Variants in BACE2 observed in about 807,000 individuals in gnomAD.
The protein encoded by BACE2 is 56 kDa aspartic-like protease.
A neutral mutation model predicts 46.2 loss-of-function variants in BACE2; 17 were observed. The ratio of observed to expected loss-of-function variants is 0.37; its 90% CI spans 0.25 to 0.55. The LOEUF (loss-of-function observed/expected upper bound fraction) is 0.55, where lower values mean the gene tolerates loss of function less well. Among genes scored for constraint, BACE2 ranks in the 20% least tolerant of loss-of-function variants. The probability of loss-of-function intolerance (pLI) is 0.82; values close to 1 mark genes in which losing one functional copy is unlikely to be tolerated. For synonymous variants in BACE2, 277 were observed against 295.9 expected, an observed-to-expected ratio of 0.94 and a Z score of 0.66; for missense variants, 595 against 698.1, an observed-to-expected ratio of 0.85 and a Z score of 1.66.
chr21:41,241,792 G>A (rs1445026887), intron 3 of BACE2, 27 bp from the exon 4 acceptor site: 1 of 1,613,518 alleles, frequency 6.2e-7, no homozygotes, highest in South Asian at 1.1e-5. Context: ...TCCTAAGCGG[G>A]TGCCCCTCTC....
At chr21:41,253,213 G>A (rs1987688462) in intron 7 of BACE2, among the ~76,000 whole-genome samples, 1 of 152,090 alleles carries the variant, frequency 6.6e-6, no homozygotes, top group Non-Finnish European at 1.5e-5. Flanking sequence ...AGGCTGAGGA[G>A]GGTGAATCAC....
intron 1 of BACE2, among the ~76,000 whole-genome samples, chr21:41,170,191 T>TA (rs1469326177): frequency 2.9e-5 from 4 of 139,244 alleles, no homozygotes; most frequent in Non-Finnish European, 6.1e-5. Flanking sequence ...GAAGAAGGAC[T>TA]AAAAAATACT....
chr21:41,238,700 A>C (rs377560216), intron 3 of BACE2, among the ~76,000 whole-genome samples: 96 of 151,322 alleles, frequency 6.3e-4, no homozygotes, highest in African/African-American at 2.2e-3. Flanking sequence ...AACTATCACA[A>C]GAACAACAAA....
At chr21:41,248,146 C>T (rs1452597808) in intron 6 of BACE2, among the ~76,000 whole-genome samples, 3 of 152,120 alleles carry the variant, frequency 2.0e-5, no homozygotes, top group Non-Finnish European at 4.4e-5. Flanking sequence ...GGGCTCGTTC[C>T]GACCCTGCCG....
At chr21:41,205,131 A>G (rs960319571) in intron 1 of BACE2, among the ~76,000 whole-genome samples, 1 of 152,236 alleles carries the variant, frequency 6.6e-6, no homozygotes, top group Non-Finnish European at 1.5e-5. Flanking sequence ...TAAAACGAAG[A>G]TGAAATTTTA....
chr21:41,271,280 G>C (rs950796355), intron 8 of BACE2, among the ~76,000 whole-genome samples: 1 of 151,154 alleles, frequency 6.6e-6, no homozygotes, highest in Admixed American at 6.6e-5. Flanking sequence ...TGATGTTTAG[G>C]CCAGAGATCC....
At chr21:41,207,732 T>C (rs889108907) in intron 1 of BACE2, among the ~76,000 whole-genome samples, 14 of 152,236 alleles carry the variant, frequency 9.2e-5, no homozygotes, top group Non-Finnish European at 1.8e-4. Context: ...ACAGGCTCTC[T>C]GGCCTCCAGC....
chr21:41,206,207 G>A (rs967896287), intron 1 of BACE2, among the ~76,000 whole-genome samples: 3 of 152,178 alleles, frequency 2.0e-5, no homozygotes, highest in African/African-American at 4.8e-5. Flanking sequence ...AGGGTCCAAC[G>A]AGGGCCACCT....
Position 41,250,856 on chromosome 21 carries a change from A to T in BACE2, c.1089A>T (p.Arg363Ser). Residue 363 changes from arginine (R) to serine (S), a missense_variant, in exon 7 of 9, where the codon AGA becomes AGT. This residue lies in a region of BACE2 where 343 missense variants were observed against 419.4 expected (regional missense o/e 0.82). Transcript: ENST00000330333. ...SYFPKISIYL[R>S]DENSSRSFRI... ...TCCCTAAAATCTCCATCTACCTGAG[A>T]GACGAGAACTCCAGCAGGTCATTCC... is the stretch of plus-strand genomic sequence containing the variant. The T allele has an allele frequency of 1.2e-6, 2 of 1,614,180 alleles. No homozygotes were observed. The highest frequency in any genetic ancestry group is 1.7e-6 in the Non-Finnish European group (2 of 1,179,998).
chr21:41,240,707 G>T (rs991268792), intron 3 of BACE2, among the ~76,000 whole-genome samples: 2 of 152,150 alleles, frequency 1.3e-5, no homozygotes, highest in African/African-American at 4.8e-5. Flanking sequence ...TGACCCAAAC[G>T]CCCACAAGTG....
chr21:41,176,341 G>A (rs990911601), intron 1 of BACE2: 4 of 152,158 alleles, frequency 2.6e-5, no homozygotes, highest in South Asian at 2.1e-4. Context: ...ACCAGCTGCC[G>A]ATGGTTCCTG....
chr21:41,242,770 A>G (rs1006043796), intron 4 of BACE2, among the ~76,000 whole-genome samples: 5 of 152,160 alleles, frequency 3.3e-5, no homozygotes, highest in African/African-American at 1.2e-4. Context: ...AAAAATCTCA[A>G]TATTGTAAAG....
chr21:41,231,829 G>A (rs1342599245), intron 2 of BACE2, among the ~76,000 whole-genome samples: 1 of 152,126 alleles, frequency 6.6e-6, no homozygotes, highest in Non-Finnish European at 1.5e-5. Flanking sequence ...GCAATTGAGA[G>A]CCAAAGCATT....
At chr21:41,253,760 A>G (rs187034549) in intron 7 of BACE2, among the ~76,000 whole-genome samples, 188 of 152,274 alleles carry the variant, frequency 1.2e-3, no homozygotes, top group African/African-American at 4.3e-3. Context: ...ATTTCATCTC[A>G]TTTGCACATC....
At chr21:41,199,615 C>T (rs1277544532) in intron 1 of BACE2, among the ~76,000 whole-genome samples, 2 of 152,110 alleles carry the variant, frequency 1.3e-5, no homozygotes. Flanking sequence ...TTCAGGCTTC[C>T]TTTTCTTAAT....
intron 7 of BACE2, among the ~76,000 whole-genome samples, chr21:41,253,242 C>G (rs142815633): frequency 6.6e-6 from 1 of 152,058 alleles, no homozygotes; most frequent in East Asian, 1.9e-4. Context: ...GAGTTCGAGA[C>G]CAGCCTGGAC....
chr21:41,235,854 A>AAATG (rs150387265), intron 2 of BACE2, among the ~76,000 whole-genome samples: 28,908 of 151,572 alleles, frequency 0.19, 3,229 homozygotes, highest in African/African-American at 0.32. Context: ...AAGAAATAAT[A>AAATG]AATGAATGAA....
chr21:41,220,886 A>T (rs1986619888), intron 1 of BACE2, among the ~76,000 whole-genome samples: 4 of 151,962 alleles, frequency 2.6e-5, no homozygotes, highest in Non-Finnish European at 5.9e-5. Context: ...TAACATTTAT[A>T]GTCTCATTAT....
chr21:41,243,281 T>C (rs1601300874), intron 4 of BACE2, 95 bp from the exon 5 acceptor site: 1 of 1,023,176 alleles, frequency 9.8e-7, no homozygotes, highest in East Asian at 2.7e-5. Flanking sequence ...CTGATTGCAG[T>C]GAAGTTTCTC....
Sources: gnomAD v4.1 joint callset for allele counts (sites outside exome capture counted in the v4.1 genomes callset) on GRCh38, gnomAD v4.1.1 for gene constraint, gnomAD v4.1.1 regional missense constraint, MANE v1.5 for transcripts, NCBI Gene and HGNC (gene_info 2026-07-23, HGNC 2026-07-21) for gene names.